DCPS: variants seen among roughly 807,000 people sequenced by gnomAD.
DCPS encodes the protein decapping enzyme, scavenger.
Under a neutral mutation model 34.7 loss-of-function variants are expected in DCPS, and 27 were observed. The observed-to-expected ratio is 0.78, with a 90% CI of 0.57 to 1.07. The LOEUF (loss-of-function observed/expected upper bound fraction) is 1.07. Ranked by LOEUF, DCPS falls within the 50% of genes least tolerant of loss-of-function variation. DCPS has a pLI of 0.00. For missense variants in DCPS, 464 were observed against 436.9 expected (o/e 1.06, Z -0.55); for synonymous variants, 185 against 185.7 (o/e 1.00, Z 0.03).
intron 2 of DCPS, among the ~76,000 whole-genome samples, chr11:126,310,138 T>G (rs1591381164): frequency 6.6e-6 from 1 of 152,276 alleles, no homozygotes; most frequent in South Asian, 2.1e-4. Flanking sequence ...GAGTCTGCAT[T>G]TTAGCACAAC....
chr11:126,310,152 C>A (rs1210837062), intron 2 of DCPS, among the ~76,000 whole-genome samples: 1 of 152,178 alleles, frequency 6.6e-6, no homozygotes, highest in Admixed American at 6.5e-5. Flanking sequence ...GCACAACTCC[C>A]TGGTGAGCCA....
chr11:126,342,949 A>T lies in DCPS; in HGVS notation c.637-358A>T, dbSNP rs1951886970. Among the ~76,000 whole-genome samples, 1 of 151,826 alleles carries T rather than the reference A, an allele frequency of 6.6e-6. No homozygotes were observed. The highest frequency in any genetic ancestry group is 1.5e-5 in the Non-Finnish European group (1 of 67,982). ...AAAGAGCATGGTGGCACGCACCTGT[A>T]GTCCCAGCTACTTGGGAGGCTGAGG... On this transcript the variant is annotated intron_variant, in intron 4 of 5. Coordinates refer to ENST00000263579, the MANE Select transcript of DCPS (RefSeq NM_014026.6). This position sits in a 1 kb window ranked among gnomAD's most constrained non-coding sequence, Gnocchi z 4.4.
At chr11:126,308,893 G>A (rs1951596104) in intron 2 of DCPS, among the ~76,000 whole-genome samples, 1 of 152,132 alleles carries the variant, frequency 6.6e-6, no homozygotes, top group South Asian at 2.1e-4. Context: ...CCCAAGATAA[G>A]CACTGAAAGA....
intron 4 of DCPS, chr11:126,341,486 C>T (rs1017214085): frequency 1.3e-5 from 2 of 152,224 alleles, no homozygotes; most frequent in Non-Finnish European, 2.9e-5. Context: ...GAACTGACAC[C>T]CAACACCATG....
chr11:126,338,086 A>AG lies in DCPS; in HGVS notation c.523-195dup. The stretch of plus-strand genomic sequence containing the variant: ...TGGCTGAGTGCCAGCTGGAGTGGGA[A>AG]GGGGGAAGTCCCTTCTGGACCCCTA... On this transcript the variant is annotated intron_variant, in intron 3 of 5. Transcript: ENST00000263579. The surrounding 1 kb of genome is among the most constrained non-coding windows in gnomAD (Gnocchi z 5.4). 3 of 581,926 alleles carry AG rather than the reference A, an allele frequency of 5.2e-6. No individual in the cohort carries two copies. The highest frequency in any genetic ancestry group is 9.3e-6 in the Non-Finnish European group (3 of 323,962). The allele number at this position is 581,926 out of a possible 1,614,324, so 36.0% of individuals were successfully genotyped here.
In DCPS at chr11:126,344,267, G is replaced by A. The variant is rs1301651910; in HGVS notation, c.747+850G>A. On this transcript the variant is annotated intron_variant, in intron 5 of 5. Coordinates refer to ENST00000263579, the MANE Select transcript of DCPS (RefSeq NM_014026.6). The surrounding 1 kb of genome is among the most constrained non-coding windows in gnomAD (Gnocchi z 8.1). Reference sequence around the variant, plus strand: ...CATACCCAGCTTCCCCTGCTGCTGGGCCCCGATCTATCTTCCCTCCTGCTC... The same window carrying A: ...CATACCCAGCTTCCCCTGCTGCTGGACCCCGATCTATCTTCCCTCCTGCTC... Among the ~76,000 whole-genome samples the A allele has an allele frequency of 2.6e-5, 4 of 152,144 alleles. No homozygotes were observed. The highest frequency in any genetic ancestry group is 2.0e-4 in the Admixed American group (3 of 15,284).
intron 2 of DCPS, among the ~76,000 whole-genome samples, chr11:126,316,766 C>G (rs907380920): frequency 4.6e-5 from 7 of 151,610 alleles, no homozygotes; most frequent in Non-Finnish European, 1.0e-4. Context: ...AGCCATTCTC[C>G]TGCCTCAGCT....
intron 4 of DCPS, among the ~76,000 whole-genome samples, chr11:126,340,461 A>T (rs954466997): frequency 1.3e-5 from 2 of 152,146 alleles, no homozygotes; most frequent in African/African-American, 4.8e-5. Flanking sequence ...AGCTGGGACT[A>T]CAGGCGTGAG....
At position 126,332,799 on chromosome 11, in the gene DCPS, T is replaced by G. The variant is rs1951803231; in HGVS notation, c.522+1249T>G. On this transcript the variant is annotated intron_variant, in intron 3 of 5. Coordinates refer to ENST00000263579, the MANE Select transcript of DCPS (RefSeq NM_014026.6). The surrounding 1 kb of genome is among the most constrained non-coding windows in gnomAD (Gnocchi z 5.4). ...GTTGTTGTTGTTTGTTTGTTTGTTT[T>G]TAAAGTCCCAGCACTTGTTCTGTTT... Among the ~76,000 whole-genome samples the G allele has an allele frequency of 6.6e-6, 1 of 152,192 alleles. No homozygotes were observed. The highest frequency in any genetic ancestry group is 1.5e-5 in the Non-Finnish European group (1 of 68,022).
At chr11:126,341,031 A>G (rs1051308874) in intron 4 of DCPS, 2 of 152,082 alleles carry the variant, frequency 1.3e-5, no homozygotes, top group Non-Finnish European at 2.9e-5. Context: ...TATTGTTGCT[A>G]TTTCTTTGTC....
At chr11:126,305,800 G>T (rs1426358899) in intron 1 of DCPS, among the ~76,000 whole-genome samples, 1 of 152,058 alleles carries the variant, frequency 6.6e-6, no homozygotes, top group Non-Finnish European at 1.5e-5. Context: ...GATTCTGTCT[G>T]GTTCTCTCAG....
Position 126,322,480 on chromosome 11 carries a change from T to C in DCPS, c.377-8925T>C, listed in dbSNP as rs1335005390. 6.6e-6 allele frequency among the ~76,000 whole-genome samples: 1 copy of C among 152,020 alleles called. No individual in the cohort carries two copies. The highest frequency in any genetic ancestry group is 2.1e-4 in the South Asian group (1 of 4,812). ...GGTTTCGCCATGTTGGCCAAGTTGG[T>C]CTTGAACTCCTGACCTCAGGTGATC... is the stretch of plus-strand genomic sequence containing the variant. On this transcript the variant is annotated intron_variant, in intron 2 of 5. Transcript: ENST00000263579. The surrounding 1 kb of genome is among the most constrained non-coding windows in gnomAD (Gnocchi z 4.2).
chr11:126,309,028 T>TCC (rs1951598168), intron 2 of DCPS, among the ~76,000 whole-genome samples: 5 of 149,294 alleles, frequency 3.3e-5, no homozygotes, highest in South Asian at 2.1e-4. Context: ...CTGCCCCTTT[T>TCC]TTTTTTTTTT....
chr11:126,345,255 G>C lies in DCPS; in HGVS notation c.748-92G>C. 1 of 1,551,892 alleles carries C rather than the reference G, an allele frequency of 6.4e-7. No homozygotes were observed. Among genetic ancestry groups the C allele is most frequent in the Non-Finnish European group, 8.7e-7 (1 of 1,147,386 alleles). On this transcript the variant is annotated intron_variant, in intron 5 of 5. Coordinates refer to ENST00000263579, the MANE Select transcript of DCPS (RefSeq NM_014026.6). The surrounding 1 kb of genome is among the most constrained non-coding windows in gnomAD (Gnocchi z 7.4). ...TTGTGAGCTGTCCCAGGCCAATCCA[G>C]GATTCAGATGGGAGGAGGGTCTAGG...
chr11:126,342,242 T>A lies in DCPS; in HGVS notation c.637-1065T>A, dbSNP rs1951880973. 1 of 152,270 alleles carries A rather than the reference T, an allele frequency of 6.6e-6. No homozygotes were observed. The highest frequency in any genetic ancestry group is 2.4e-5 in the African/African-American group (1 of 41,438). 9.4% of individuals were successfully genotyped at this position (152,270 alleles called of 1,614,324 possible). On this transcript the variant is annotated intron_variant, in intron 4 of 5. Coordinates refer to ENST00000263579, the MANE Select transcript of DCPS (RefSeq NM_014026.6). This position sits in a 1 kb window ranked among gnomAD's most constrained non-coding sequence, Gnocchi z 4.4. The stretch of plus-strand genomic sequence containing the variant: ...AGTTCATTTGCTCTCTGGCACAAGA[T>A]CTTGACTTTGATTCTTTGTACTGTT...
chr11:126,311,220 G>A (rs1951616608), intron 2 of DCPS, among the ~76,000 whole-genome samples: 1 of 152,214 alleles, frequency 6.6e-6, no homozygotes. Context: ...GCATGCACTG[G>A]GGCAGCAACA....
Position 126,346,837 on chromosome 11 carries a change from G to A in DCPS, c.*1224G>A, listed in dbSNP as rs1044072952. 3.3e-5 allele frequency among the ~76,000 whole-genome samples: 5 copies of A among 152,152 alleles called. No individual in the cohort carries two copies. Among genetic ancestry groups the A allele is most frequent in the Non-Finnish European group, 7.4e-5 (5 of 68,024 alleles). On this transcript the variant is annotated 3_prime_UTR_variant, in exon 6 of 6. Transcript: ENST00000263579. This position sits in a 1 kb window ranked among gnomAD's most constrained non-coding sequence, Gnocchi z 4.1. ...CCCAGGTGCAGCCAACCTGCTTCAG[G>A]GTCTCAGGGCCTGCTGTGGACCCCC...
intron 2 of DCPS, among the ~76,000 whole-genome samples, chr11:126,330,640 G>A (rs1026788422): frequency 2.9e-5 from 4 of 138,920 alleles, no homozygotes; most frequent in African/African-American, 1.1e-4. Flanking sequence ...TGGAACCACT[G>A]CGCTCTGCTG....
Position 126,345,377 on chromosome 11 carries a change from G to A in DCPS, c.778G>A (p.Gly260Arg), listed in dbSNP as rs1231596523. The change falls in exon 6 of 6, where the codon GGA (glycine) becomes AGA (arginine). Residue 260 changes from glycine (G) to arginine (R), a missense_variant. Coordinates refer to ENST00000263579, the MANE Select transcript of DCPS (RefSeq NM_014026.6). This position sits in a 1 kb window ranked among gnomAD's most constrained non-coding sequence, Gnocchi z 7.4. ...CATCCTGCAGCGCTACCGGATGAAG[G>A]GAGACCATCTGCGAGTATACCTGCA... Reference protein sequence around the residue: ...EAILQRYRMKGDHLRVYLHYL... With the variant: ...EAILQRYRMKRDHLRVYLHYL... The A allele has an allele frequency of 2.5e-6, 4 of 1,613,992 alleles. No homozygotes were observed. Among genetic ancestry groups the A allele is most frequent in the Non-Finnish European group, 2.5e-6 (3 of 1,180,028 alleles).
Sources: gnomAD v4.1 joint callset for allele counts (sites outside exome capture counted in the v4.1 genomes callset) on GRCh38, gnomAD v4.1.1 for gene constraint, Gnocchi (gnomAD v3.1) non-coding constraint, MANE v1.5 for transcripts, NCBI Gene and HGNC (gene_info 2026-07-23, HGNC 2026-07-21) for gene names.